Variants in CDH13 observed in about 807,000 individuals in gnomAD.
CDH13 encodes the protein cadherin 13, also known as cadherin-13.
CDH13 carries 24 observed loss-of-function variants against 63.8 expected under a neutral mutation model. The ratio of observed to expected loss-of-function variants is 0.38; its 90% CI spans 0.27 to 0.53. The LOEUF (loss-of-function observed/expected upper bound fraction) is 0.53. Ranked by LOEUF, CDH13 falls within the 20% of genes least tolerant of loss-of-function variation. The pLI is 0.85. For missense variants in CDH13, 1,049 were observed against 903.1 expected (o/e 1.16, Z -2.07); for synonymous variants, 503 against 355.3 (o/e 1.42, Z -4.67).
chr16:83,795,860 T>C lies in CDH13; in HGVS notation c.*830T>C, dbSNP rs186593172. The C allele has an allele frequency of 5.9e-5, 9 of 152,724 alleles. No homozygotes were observed. Among genetic ancestry groups the C allele is most frequent in the African/African-American group, 1.9e-4 (8 of 41,560 alleles). The allele number at this position is 152,724 out of a possible 1,614,324, so 9.5% of individuals were successfully genotyped here. A position where few individuals can be genotyped will look rare whatever the true frequency, so the allele number is the denominator to read the frequency against. ...GAATCCACAGTCGTACTGATTCTAA[T>C]GGGGACACAGATCATGGTAGAGAAT... On this transcript the variant is annotated 3_prime_UTR_variant, in exon 14 of 14. Transcript: ENST00000567109.
intron 3 of CDH13, among the ~76,000 whole-genome samples, chr16:83,113,308 C>G (rs926727409): frequency 6.6e-6 from 1 of 152,264 alleles, no homozygotes; most frequent in African/African-American, 2.4e-5. Context: ...TCACCAACAT[C>G]TTACTCATTT....
chr16:83,447,810 C>T (rs1051622078), intron 6 of CDH13, among the ~76,000 whole-genome samples: 2 of 150,314 alleles, frequency 1.3e-5, no homozygotes, highest in East Asian at 1.9e-4. Flanking sequence ...TATTAAATAT[C>T]GACTGTTTGC....
At chr16:83,536,619 G>T (rs1424870430) in intron 7 of CDH13, among the ~76,000 whole-genome samples, 1 of 152,180 alleles carries the variant, frequency 6.6e-6, no homozygotes, top group Non-Finnish European at 1.5e-5. Context: ...AATCCTTAAA[G>T]TATATTAAGT....
At chr16:83,417,434 G>A (rs1364309) in intron 6 of CDH13, among the ~76,000 whole-genome samples, 57,726 of 151,850 alleles carry the variant, frequency 0.38, 11,371 homozygotes, top group East Asian at 0.63. Context: ...TAGTTGAACT[G>A]TCCTCTTTAT....
intron 10 of CDH13, among the ~76,000 whole-genome samples, chr16:83,682,115 C>T (rs1384769301): frequency 6.6e-6 from 1 of 152,194 alleles, no homozygotes; most frequent in African/African-American, 2.4e-5. Flanking sequence ...AAACAAGAGA[C>T]ACACACCAAA....
chr16:83,124,107 G>A (rs1478813669), intron 3 of CDH13, among the ~76,000 whole-genome samples: 4 of 152,104 alleles, frequency 2.6e-5, no homozygotes, highest in African/African-American at 4.8e-5. Flanking sequence ...GTTCAGTGGT[G>A]TAATCTTGGC....
chr16:83,541,318 T>C (rs1308550749), intron 7 of CDH13, among the ~76,000 whole-genome samples: 5 of 152,232 alleles, frequency 3.3e-5, no homozygotes, highest in Non-Finnish European at 7.3e-5. Flanking sequence ...AGAGAAGCTA[T>C]GGAAATATGA....
intron 1 of CDH13, among the ~76,000 whole-genome samples, chr16:82,662,862 G>A (rs1912125731): frequency 1.3e-5 from 2 of 149,838 alleles, no homozygotes; most frequent in Admixed American, 6.6e-5. Context: ...TGGTAGAGGT[G>A]TGTGCTTGCG....
chr16:82,750,563 T>C (rs2034372021), intron 1 of CDH13, among the ~76,000 whole-genome samples: 1 of 152,190 alleles, frequency 6.6e-6, no homozygotes, highest in African/African-American at 2.4e-5. Flanking sequence ...TCCAAGGACT[T>C]TTCTGAAAGC....
At chr16:82,799,868 T>C (rs1269355241) in intron 1 of CDH13, among the ~76,000 whole-genome samples, 3 of 152,216 alleles carry the variant, frequency 2.0e-5, no homozygotes, top group Non-Finnish European at 4.4e-5. Flanking sequence ...ATTTTGGCTT[T>C]ATGGCAACCC....
intron 6 of CDH13, among the ~76,000 whole-genome samples, chr16:83,484,858 C>T (rs2073850927): frequency 6.6e-6 from 1 of 152,208 alleles, no homozygotes; most frequent in Non-Finnish European, 1.5e-5. Flanking sequence ...CATTTCACAT[C>T]AGTTTCTGTA....
chr16:83,311,029 C>T (rs2089988297), intron 5 of CDH13, among the ~76,000 whole-genome samples: 1 of 152,196 alleles, frequency 6.6e-6, no homozygotes, highest in Non-Finnish European at 1.5e-5. Context: ...TGGTGGGAGC[C>T]TCCCCACTTC....
At chr16:83,067,121 C>T (rs540891404) in intron 3 of CDH13, among the ~76,000 whole-genome samples, 1 of 152,258 alleles carries the variant, frequency 6.6e-6, no homozygotes, top group African/African-American at 2.4e-5. Flanking sequence ...GTTTCACTTC[C>T]CTAGGAGCCA....
chr16:82,897,265 C>T (rs2041302244), intron 2 of CDH13, among the ~76,000 whole-genome samples: 1 of 152,198 alleles, frequency 6.6e-6, no homozygotes, highest in African/African-American at 2.4e-5. Context: ...CCACAGATAT[C>T]AGCACACAGC....
intron 1 of CDH13, among the ~76,000 whole-genome samples, chr16:82,817,062 A>C (rs570837114): frequency 6.6e-6 from 1 of 152,260 alleles, no homozygotes; most frequent in East Asian, 1.9e-4. Context: ...TTAGAAATCA[A>C]CCAAGTGCAT....
chr16:83,434,847 ATGTGTGTGCGTG>A (rs61347939), intron 6 of CDH13, among the ~76,000 whole-genome samples: 4,151 of 81,488 alleles, frequency 0.051, 221 homozygotes, highest in African/African-American at 0.15. Context: ...ATATATATAT[ATGTGTGTGCGTG>A]TGTGTGTGTG....
chr16:83,011,728 C>G (rs1914177064), intron 2 of CDH13, among the ~76,000 whole-genome samples: 1 of 152,114 alleles, frequency 6.6e-6, no homozygotes, highest in Non-Finnish European at 1.5e-5. Flanking sequence ...TCTTCTACTC[C>G]CAGTTAAGCT....
At chr16:83,391,378 G>T (rs894562716) in intron 6 of CDH13, among the ~76,000 whole-genome samples, 1 of 151,960 alleles carries the variant, frequency 6.6e-6, no homozygotes, top group African/African-American at 2.4e-5. Flanking sequence ...GCTAATTTTT[G>T]TATTTTTCGT....
chr16:82,941,676 G>T (rs750462254), intron 2 of CDH13, among the ~76,000 whole-genome samples: 17 of 152,064 alleles, frequency 1.1e-4, no homozygotes, highest in Non-Finnish European at 8.8e-5. Flanking sequence ...ATTTTCTTTT[G>T]TTGCTTGTAC....
Sources: allele counts gnomAD v4.1 joint callset (sites outside exome capture counted in the v4.1 genomes callset), GRCh38; gene constraint gnomAD v4.1.1; transcripts MANE v1.5; gene names NCBI Gene and HGNC (gene_info 2026-07-23, HGNC 2026-07-21).